The following COL24A1 variants were observed in gnomAD, a reference collection of about 807,000 sequenced individuals.
COL24A1 encodes the protein collagen type XXIV alpha 1 chain, also known as collagen alpha-1(XXIV) chain.
A neutral mutation model predicts 253.9 loss-of-function variants in COL24A1; 224 were observed. The observed-to-expected ratio is 0.88, with a 90% CI of 0.79 to 0.99. The LOEUF (loss-of-function observed/expected upper bound fraction) is 0.99. Ranked by LOEUF, COL24A1 falls within the 50% of genes least tolerant of loss-of-function variation. COL24A1 has a pLI of 0.00. For synonymous variants in COL24A1, 685 were observed against 673.7 expected, an observed-to-expected ratio of 1.02 and a Z score of -0.26; for missense variants, 2,131 against 2,068.5, an observed-to-expected ratio of 1.03 and a Z score of -0.59.
At chr1:86,061,854 GC>G (rs1406491752) in intron 8 of COL24A1, among the ~76,000 whole-genome samples, 4 of 152,100 alleles carry the variant, frequency 2.6e-5, no homozygotes, top group African/African-American at 7.2e-5. Flanking sequence ...TATATCAACA[GC>G]CCCTTGAGAA....
At chr1:85,978,867 C>T (rs1039761536) in intron 20 of COL24A1, among the ~76,000 whole-genome samples, 12 of 152,124 alleles carry the variant, frequency 7.9e-5, no homozygotes, top group African/African-American at 2.9e-4. Flanking sequence ...AACATTCTAC[C>T]CAACAACTGC....
At chr1:85,734,406 T>C (rs1663830352) in intron 59 of COL24A1, among the ~76,000 whole-genome samples, 1 of 152,194 alleles carries the variant, frequency 6.6e-6, no homozygotes, top group African/African-American at 2.4e-5. Flanking sequence ...AAAATATTTA[T>C]CCAAATACAC....
chr1:86,019,631 C>T (rs550639339), intron 18 of COL24A1, among the ~76,000 whole-genome samples: 1 of 152,012 alleles, frequency 6.6e-6, no homozygotes, highest in East Asian at 1.9e-4. Flanking sequence ...AAATACAAGG[C>T]TATCTCACTA....
intron 52 of COL24A1, among the ~76,000 whole-genome samples, chr1:85,776,710 C>T (rs2101468794): frequency 6.6e-6 from 1 of 151,904 alleles, no homozygotes; most frequent in Admixed American, 6.6e-5. Context: ...GAGAGATACC[C>T]TTACAGTCTA....
intron 45 of COL24A1, among the ~76,000 whole-genome samples, chr1:85,818,595 A>G (rs1357309205): frequency 2.0e-5 from 3 of 152,246 alleles, no homozygotes; most frequent in Non-Finnish European, 2.9e-5. Flanking sequence ...TTGTGATTCA[A>G]GGAAAAGATA....
intron 20 of COL24A1, among the ~76,000 whole-genome samples, chr1:85,973,636 C>G (rs1457567492): frequency 1.3e-5 from 2 of 152,098 alleles, no homozygotes; most frequent in Non-Finnish European, 2.9e-5. Flanking sequence ...AGGCTCAGCT[C>G]CATAGCCAGA....
chr1:85,754,504 A>T, intron 55 of COL24A1, among the ~76,000 whole-genome samples: 1 of 108,552 alleles, frequency 9.2e-6, no homozygotes, highest in Non-Finnish European at 1.9e-5. Context: ...AACCTGCACA[A>T]TGTGCACATG....
At chr1:85,789,595 G>A (rs921251963) in intron 47 of COL24A1, among the ~76,000 whole-genome samples, 2 of 152,136 alleles carry the variant, frequency 1.3e-5, no homozygotes, top group African/African-American at 2.4e-5. Context: ...ATGTTGAATA[G>A]GAGTGAGGAG....
At chr1:86,101,959 A>G (rs1034605136) in intron 5 of COL24A1, among the ~76,000 whole-genome samples, 1 of 151,868 alleles carries the variant, frequency 6.6e-6, no homozygotes, top group Non-Finnish European at 1.5e-5. Flanking sequence ...TAGGAATTGT[A>G]CCAGCTCTTT....
intron 19 of COL24A1, among the ~76,000 whole-genome samples, chr1:85,999,423 C>T (rs1182941684): frequency 1.3e-5 from 2 of 151,922 alleles, no homozygotes; most frequent in Non-Finnish European, 2.9e-5. Flanking sequence ...GCTTGACTAG[C>T]CTGGGTAACA....
intron 59 of COL24A1, among the ~76,000 whole-genome samples, chr1:85,733,827 G>A (rs906133399): frequency 9.9e-5 from 15 of 151,192 alleles, no homozygotes; most frequent in Middle Eastern, 3.4e-3. Context: ...TGAACCACCC[G>A]CCTCAGCCTC....
intron 43 of COL24A1, among the ~76,000 whole-genome samples, chr1:85,837,774 G>A (rs2102211359): frequency 6.6e-6 from 1 of 152,222 alleles, no homozygotes; most frequent in Middle Eastern, 3.4e-3. Flanking sequence ...AAATTATAAA[G>A]GATTTATGTA....
intron 20 of COL24A1, among the ~76,000 whole-genome samples, chr1:85,978,446 A>T (rs1692912526): frequency 6.6e-6 from 1 of 152,232 alleles, no homozygotes; most frequent in South Asian, 2.1e-4. Context: ...AAAAAAATCC[A>T]TCAATTAAGT....
intron 7 of COL24A1, among the ~76,000 whole-genome samples, chr1:86,070,382 G>A (rs1701792681): frequency 6.6e-6 from 1 of 152,138 alleles, no homozygotes; most frequent in Admixed American, 6.5e-5. Context: ...GCCTTAAAGA[G>A]GAAGTAGAGA....
chr1:86,007,237 CCCA>C (rs901884782), intron 19 of COL24A1, among the ~76,000 whole-genome samples: 29 of 151,314 alleles, frequency 1.9e-4, no homozygotes, highest in Middle Eastern at 3.5e-3. Flanking sequence ...AACAAACAAA[CCCA>C]CCACCACCAC....
At chr1:86,110,169 ATATTT>A (rs1256780336) in intron 5 of COL24A1, among the ~76,000 whole-genome samples, 7 of 151,648 alleles carry the variant, frequency 4.6e-5, no homozygotes, top group African/African-American at 1.4e-4. Flanking sequence ...GGGAATGGGA[ATATTT>A]TATTTTATAT....
chr1:86,075,413 T>TA (rs1328019552), intron 7 of COL24A1, among the ~76,000 whole-genome samples: 12 of 150,950 alleles, frequency 7.9e-5, no homozygotes, highest in East Asian at 3.9e-4. Context: ...GCCTACCAAC[T>TA]AAAAAAAAGC....
chr1:85,832,585 A>G (rs1443145656), intron 43 of COL24A1, among the ~76,000 whole-genome samples: 2 of 148,538 alleles, frequency 1.3e-5, no homozygotes, highest in Non-Finnish European at 1.5e-5. Flanking sequence ...ATTTGTTTGT[A>G]TCCTCTTTTA....
intron 24 of COL24A1, among the ~76,000 whole-genome samples, chr1:85,920,675 G>A (rs1010993822): frequency 5.3e-5 from 8 of 151,976 alleles, no homozygotes; most frequent in Admixed American, 5.2e-4. Flanking sequence ...CACATTAAAT[G>A]TAATGACTGG....
Sources: gnomAD v4.1 joint callset for allele counts (sites outside exome capture counted in the v4.1 genomes callset) on GRCh38, gnomAD v4.1.1 for gene constraint, MANE v1.5 for transcripts, NCBI Gene and HGNC (gene_info 2026-07-23, HGNC 2026-07-21) for gene names.